ZMAT4: variants seen among roughly 807,000 people sequenced by gnomAD.
ZMAT4 encodes the protein zinc finger matrin-type 4, also known as zinc finger matrin-type protein 4.
Under a neutral mutation model 28.7 loss-of-function variants are expected in ZMAT4, and 17 were observed. The ratio of observed to expected loss-of-function variants is 0.59; its 90% CI spans 0.41 to 0.89. The LOEUF is 0.89. Ranked by LOEUF, ZMAT4 falls within the 40% of genes least tolerant of loss-of-function variation. ZMAT4 has a pLI of 0.00. For missense variants in ZMAT4, 240 were observed against 283.8 expected (o/e 0.85, Z 1.11); for synonymous variants, 117 against 109.2 (o/e 1.07, Z -0.44).
At chr8:40,589,731 C>CCTTTCCTTTCTTTCTTTCTTT (rs1554523992) in intron 5 of ZMAT4, among the ~76,000 whole-genome samples, 2 of 139,274 alleles carry the variant, frequency 1.4e-5, no homozygotes, top group Non-Finnish European at 3.1e-5. Flanking sequence ...TTCTTCCTTT[C>CCTTTCCTTTCTTTCTTTCTTT]CTTTCTTTCT....
At chr8:40,821,382 TAG>T (rs1815822968) in intron 2 of ZMAT4, among the ~76,000 whole-genome samples, 1 of 152,200 alleles carries the variant, frequency 6.6e-6, no homozygotes, top group Admixed American at 6.5e-5. Context: ...GTCCAGTGAA[TAG>T]AGACAACATC....
At chr8:40,597,169 A>G (rs747091352) in intron 5 of ZMAT4, among the ~76,000 whole-genome samples, 1 of 152,216 alleles carries the variant, frequency 6.6e-6, no homozygotes. Context: ...CAAGATGACT[A>G]TAGAAGATAA....
chr8:40,793,515 C>T (rs1814454258), intron 2 of ZMAT4, among the ~76,000 whole-genome samples: 1 of 152,174 alleles, frequency 6.6e-6, no homozygotes, highest in South Asian at 2.1e-4. Context: ...CCTTGAAATC[C>T]TTTTGCGAAT....
At position 40,655,059 on chromosome 8, in the gene ZMAT4, T is replaced by TACACACACACACACACACAC. The variant is rs3038823; in HGVS notation, c.577+19625_577+19644dup. On this transcript the variant is annotated intron_variant, in intron 5 of 6. Coordinates refer to ENST00000297737, the MANE Select transcript of ZMAT4 (RefSeq NM_024645.3). ...TATTTAGAAAATCCTAAGGAATACCTACACACACACACACACACACACAGC... is the reference window on the plus strand; with the variant it reads ...TATTTAGAAAATCCTAAGGAATACCTACACACACACACACACACACACACACACACACACACACACACAGC... Among the ~76,000 whole-genome samples the TACACACACACACACACACAC allele has an allele frequency of 4.2e-3, 632 of 148,870 alleles. 3 individuals carry two copies. Among genetic ancestry groups the TACACACACACACACACACAC allele is most frequent in the African/African-American group, 0.014 (576 of 40,554 alleles).
intron 6 of ZMAT4, among the ~76,000 whole-genome samples, chr8:40,554,999 G>A (rs1173395347): frequency 6.6e-6 from 1 of 151,936 alleles, no homozygotes; most frequent in Non-Finnish European, 1.5e-5. Context: ...CCCAGCCTCT[G>A]GTATCTATCA....
intron 5 of ZMAT4, among the ~76,000 whole-genome samples, chr8:40,648,762 C>T (rs1225334669): frequency 1.1e-5 from 1 of 87,678 alleles, no homozygotes; most frequent in African/African-American, 3.6e-5. Context: ...AGAGTGGGGG[C>T]CAATATTCAA....
chr8:40,774,627 A>G (rs541873773), intron 2 of ZMAT4, among the ~76,000 whole-genome samples: 3 of 151,964 alleles, frequency 2.0e-5, no homozygotes, highest in South Asian at 2.1e-4. Flanking sequence ...ATATATCCAT[A>G]TAATAGATAC....
chr8:40,756,385 CAT>C (rs1812680737), intron 3 of ZMAT4, among the ~76,000 whole-genome samples: 2 of 136,288 alleles, frequency 1.5e-5, no homozygotes, highest in African/African-American at 2.8e-5. Flanking sequence ...TAAATGCACA[CAT>C]GTTTTCACCC....
chr8:40,601,605 AG>A (rs371759226), intron 5 of ZMAT4, among the ~76,000 whole-genome samples: 28 of 8,066 alleles, frequency 3.5e-3, no homozygotes, highest in South Asian at 6.4e-3. Flanking sequence ...AAAGAAAGAA[AG>A]AAAGAAAGAA....
chr8:40,857,980 G>T (rs150249276), intron 1 of ZMAT4, among the ~76,000 whole-genome samples: 107 of 152,288 alleles, frequency 7.0e-4, no homozygotes, highest in African/African-American at 2.5e-3. Flanking sequence ...CTATAGGAGA[G>T]AAATAAGAAC....
chr8:40,819,530 C>A (rs964437976), intron 2 of ZMAT4, among the ~76,000 whole-genome samples: 4 of 152,126 alleles, frequency 2.6e-5, no homozygotes, highest in Non-Finnish European at 5.9e-5. Flanking sequence ...AGGAGCAAAG[C>A]TCTACAGGGG....
intron 5 of ZMAT4, among the ~76,000 whole-genome samples, chr8:40,601,442 A>C (rs1303245275): frequency 8.8e-6 from 1 of 113,738 alleles, no homozygotes; most frequent in Non-Finnish European, 1.8e-5. Flanking sequence ...GGAAGGAAGG[A>C]AGGAAGGAAG....
chr8:40,711,412 C>A (rs1467680662), intron 3 of ZMAT4, among the ~76,000 whole-genome samples: 2 of 152,168 alleles, frequency 1.3e-5, no homozygotes, highest in South Asian at 4.1e-4. Context: ...TATCATCTGC[C>A]TCTTAATGAA....
At chr8:40,605,846 A>C (rs1563362947) in intron 5 of ZMAT4, among the ~76,000 whole-genome samples, 1 of 152,126 alleles carries the variant, frequency 6.6e-6, no homozygotes, top group Non-Finnish European at 1.5e-5. Flanking sequence ...TAGGAGCTCC[A>C]GTGTTAGGTG....
chr8:40,664,928 C>T (rs1808343575), intron 5 of ZMAT4, among the ~76,000 whole-genome samples: 1 of 152,242 alleles, frequency 6.6e-6, no homozygotes, highest in Non-Finnish European at 1.5e-5. Context: ...ACCACATTGA[C>T]ATGACTAAGA....
At chr8:40,633,120 GA>G (rs1563376699) in intron 5 of ZMAT4, among the ~76,000 whole-genome samples, 3 of 152,176 alleles carry the variant, frequency 2.0e-5, no homozygotes, top group Admixed American at 2.0e-4. Flanking sequence ...GAAATGCGAA[GA>G]AAAAATTAAC....
chr8:40,843,655 A>G (rs12542793), intron 1 of ZMAT4, among the ~76,000 whole-genome samples: 30,984 of 152,166 alleles, frequency 0.2, 3,466 homozygotes, highest in Non-Finnish European at 0.25. Flanking sequence ...GTTACTCCAC[A>G]GAAGTGCAAT....
In ZMAT4 at chr8:40,799,261, A is replaced by G. The variant is rs1353284935; in HGVS notation, c.102+26314T>C. Among the ~76,000 whole-genome samples the G allele has an allele frequency of 1.1e-4, 17 of 152,308 alleles. 1 individual carries two copies. In the East Asian group the frequency reaches 2.7e-3, roughly 24 times the overall value. ...TGGATGGATGGAGACAGATAGAGAG[A>G]GAGGGAGACAGATAGAGAGAAAGAG... is the stretch of plus-strand genomic sequence containing the variant. On this transcript the variant is annotated intron_variant, in intron 2 of 6. Transcript: ENST00000297737.
chr8:40,828,369 T>G (rs1171064225), intron 1 of ZMAT4, among the ~76,000 whole-genome samples: 2 of 152,136 alleles, frequency 1.3e-5, no homozygotes, highest in African/African-American at 4.8e-5. Context: ...ACGGATGACC[T>G]GGTTAATAGG....
Sources: gnomAD v4.1 joint callset for allele counts (sites outside exome capture counted in the v4.1 genomes callset) on GRCh38, gnomAD v4.1.1 for gene constraint, MANE v1.5 for transcripts, NCBI Gene and HGNC (gene_info 2026-07-23, HGNC 2026-07-21) for gene names.